Variants in ADGRL3 observed in about 807,000 individuals in gnomAD.
The protein encoded by ADGRL3 is adhesion G protein-coupled receptor L3.
In ADGRL3, 62 loss-of-function variants were observed where a neutral mutation model predicts 153.5. The ratio of observed to expected loss-of-function variants is 0.40; its 90% CI spans 0.33 to 0.50. ADGRL3 has a LOEUF of 0.50. Ranked by LOEUF, ADGRL3 falls within the 20% of genes least tolerant of loss-of-function variation. The probability of loss-of-function intolerance (pLI) is 0.47; values close to 1 mark genes in which losing one functional copy is unlikely to be tolerated. For synonymous variants in ADGRL3, 710 were observed against 672.5 expected (o/e 1.06, Z -0.86); for missense variants, 1,641 against 1,859.4 (o/e 0.88, Z 2.16).
At chr4:61,441,701 T>C (rs1195843443) in intron 2 of ADGRL3, among the ~76,000 whole-genome samples, 1 of 152,056 alleles carries the variant, frequency 6.6e-6, no homozygotes, top group African/African-American at 2.4e-5. Flanking sequence ...TTTTCTAAAC[T>C]TGCCTATTAA....
At chr4:61,990,827 A>G (rs2099101036) in intron 19 of ADGRL3, among the ~76,000 whole-genome samples, 1 of 151,840 alleles carries the variant, frequency 6.6e-6, no homozygotes, top group Non-Finnish European at 1.5e-5. Flanking sequence ...GTAGACTAGA[A>G]TAAAATTCAG....
chr4:61,619,046 T>A (rs543083413), intron 5 of ADGRL3, among the ~76,000 whole-genome samples: 3 of 152,164 alleles, frequency 2.0e-5, no homozygotes, highest in African/African-American at 4.8e-5. Context: ...CACATTTTTT[T>A]AAATGAGCCT....
chr4:61,728,877 G>C lies in ADGRL3; in HGVS notation c.584-1745G>C, dbSNP rs1034110200. ...CTGAATATAGGTTTGTGATTATTCTGGTATAAGCATGAAGTGCATCTCAGA... is the reference window on the plus strand; with the variant it reads ...CTGAATATAGGTTTGTGATTATTCTCGTATAAGCATGAAGTGCATCTCAGA... On this transcript the variant is annotated intron_variant, in intron 6 of 26. Coordinates refer to ENST00000683033, the MANE Select transcript of ADGRL3 (RefSeq NM_001387552.1). Among the ~76,000 whole-genome samples the C allele has an allele frequency of 3.3e-5, 5 of 152,032 alleles. No individual in the cohort carries two copies. In the South Asian group the frequency reaches 8.3e-4, roughly 25 times the overall value.
intron 9 of ADGRL3, among the ~76,000 whole-genome samples, chr4:61,875,164 G>T (rs1268589601): frequency 2.0e-5 from 3 of 152,070 alleles, no homozygotes; most frequent in Admixed American, 1.3e-4. Context: ...TGTGCCCTTT[G>T]TTCTGTAGAC....
chr4:61,409,714 A>G (rs964902866), intron 2 of ADGRL3, among the ~76,000 whole-genome samples: 1 of 151,834 alleles, frequency 6.6e-6, no homozygotes, highest in Non-Finnish European at 1.5e-5. Flanking sequence ...CCAAAATTTG[A>G]TTCAGAAAAT....
chr4:61,976,126 T>G (rs2099047179), intron 17 of ADGRL3, among the ~76,000 whole-genome samples: 1 of 152,176 alleles, frequency 6.6e-6, no homozygotes, highest in Non-Finnish European at 1.5e-5. Flanking sequence ...TAGGATGTAA[T>G]ATTAATAAAA....
At chr4:61,847,573 A>AGT (rs772042276) in intron 9 of ADGRL3, among the ~76,000 whole-genome samples, 12 of 111,330 alleles carry the variant, frequency 1.1e-4, no homozygotes, top group African/African-American at 4.0e-4. Context: ...TAGTACATTA[A>AGT]GTGTGTGTGT....
intron 8 of ADGRL3, chr4:61,775,510 T>A (rs1218772341): frequency 1.7e-5 from 13 of 749,968 alleles, no homozygotes; most frequent in African/African-American, 6.9e-5. Context: ...CTTGCCATAG[T>A]CCTTAACTAC....
At chr4:61,990,334 G>A (rs755374997) in intron 19 of ADGRL3, among the ~76,000 whole-genome samples, 3 of 152,024 alleles carry the variant, frequency 2.0e-5, no homozygotes, top group Non-Finnish European at 4.4e-5. Flanking sequence ...CAGAATAGGC[G>A]AATCTTTAAA....
At chr4:61,932,942 G>A (rs1325411503) in intron 13 of ADGRL3, among the ~76,000 whole-genome samples, 1 of 151,654 alleles carries the variant, frequency 6.6e-6, no homozygotes, top group African/African-American at 2.4e-5. Context: ...GTTGACCATA[G>A]TTGTTTCTTT....
At chr4:61,521,087 G>C (rs2098528282) in intron 4 of ADGRL3, among the ~76,000 whole-genome samples, 1 of 152,164 alleles carries the variant, frequency 6.6e-6, no homozygotes, top group Admixed American at 6.5e-5. Context: ...AGTAGCAACT[G>C]TGTAACAGAG....
intron 2 of ADGRL3, 22 bp from the exon 3 acceptor site, chr4:61,497,099 C>CTTT: frequency 2.0e-6 from 1 of 499,810 alleles, no homozygotes; most frequent in Non-Finnish European, 3.5e-6. Context: ...TACAATAACC[C>CTTT]TTTTTTTTTT....
intron 15 of ADGRL3, among the ~76,000 whole-genome samples, chr4:61,939,949 C>T (rs2098874532): frequency 6.7e-6 from 1 of 150,062 alleles, no homozygotes; most frequent in Non-Finnish European, 1.5e-5. Context: ...TTTTATTATA[C>T]TCTAAGTTTT....
At chr4:61,670,225 T>C (rs2094943995) in intron 5 of ADGRL3, among the ~76,000 whole-genome samples, 1 of 151,942 alleles carries the variant, frequency 6.6e-6, no homozygotes, top group African/African-American at 2.4e-5. Flanking sequence ...ATCCAGGAGT[T>C]GGAGGTTGCA....
intron 11 of ADGRL3, among the ~76,000 whole-genome samples, chr4:61,900,764 T>C (rs1475195097): frequency 1.3e-5 from 2 of 152,100 alleles, no homozygotes; most frequent in African/African-American, 4.8e-5. Flanking sequence ...GATACATAAA[T>C]AGATACATAT....
At chr4:61,785,662 TCTC>T (rs757439547) in intron 8 of ADGRL3, among the ~76,000 whole-genome samples, 4 of 152,178 alleles carry the variant, frequency 2.6e-5, no homozygotes, top group Non-Finnish European at 5.9e-5. Context: ...TCTCTCTCTT[TCTC>T]CTTCTTTAAC....
chr4:61,267,769 C>CTAT (rs1318620596), intron 1 of ADGRL3, among the ~76,000 whole-genome samples: 1 of 151,592 alleles, frequency 6.6e-6, no homozygotes, highest in Non-Finnish European at 1.5e-5. Context: ...ATCACTGTAT[C>CTAT]TATTTCAGAG....
At chr4:61,255,930 TTTGCAAAG>T (rs2091916060) in intron 1 of ADGRL3, among the ~76,000 whole-genome samples, 1 of 152,184 alleles carries the variant, frequency 6.6e-6, no homozygotes, top group Admixed American at 6.5e-5. Context: ...GTTCTCCTCT[TTTGCAAAG>T]TGAATATGCA....
chr4:61,388,632 G>A (rs1295221056), intron 2 of ADGRL3, among the ~76,000 whole-genome samples: 1 of 152,186 alleles, frequency 6.6e-6, no homozygotes, highest in African/African-American at 2.4e-5. Flanking sequence ...GTCCTCTTCT[G>A]TGTGGATAAT....
Sources: allele counts gnomAD v4.1 joint callset (sites outside exome capture counted in the v4.1 genomes callset), GRCh38; gene constraint gnomAD v4.1.1; transcripts MANE v1.5; gene names NCBI Gene and HGNC (gene_info 2026-07-23, HGNC 2026-07-21).